The following PRDM16 variants were observed in gnomAD, a reference collection of about 807,000 sequenced individuals.
The protein encoded by PRDM16 is histone-lysine N-methyltransferase PRDM16.
PRDM16 carries 23 observed loss-of-function variants against 110.6 expected under a neutral mutation model. The observed-to-expected ratio is 0.21, with a 90% CI of 0.15 to 0.29. The LOEUF is 0.29. Ranked by LOEUF, PRDM16 falls within the 10% of genes least tolerant of loss-of-function variation. The pLI is 1.00. For missense variants in PRDM16, 1,615 were observed against 1,794.3 expected (o/e 0.90, Z 1.81); for synonymous variants, 799 against 781.8 (o/e 1.02, Z -0.37).
intron 1 of PRDM16, among the ~76,000 whole-genome samples, chr1:3,127,786 C>T (rs1392755370): frequency 6.6e-6 from 1 of 152,234 alleles, no homozygotes; most frequent in African/African-American, 2.4e-5. Context: ...AGGCCTGCCC[C>T]ATAAAGGCAG....
intron 3 of PRDM16, among the ~76,000 whole-genome samples, chr1:3,337,044 C>A (rs1045383012): frequency 6.7e-6 from 1 of 148,938 alleles, no homozygotes; most frequent in Admixed American, 6.7e-5. Context: ...TGTGCACATT[C>A]ATGCACATCT....
chr1:3,366,428 G>A (rs1218964300), intron 3 of PRDM16, among the ~76,000 whole-genome samples: 2 of 152,190 alleles, frequency 1.3e-5, no homozygotes, highest in South Asian at 2.1e-4. Flanking sequence ...TCAGTATGCC[G>A]GGACACTCTC....
intron 6 of PRDM16, among the ~76,000 whole-genome samples, chr1:3,404,291 G>A (rs989777530): frequency 2.0e-5 from 3 of 152,170 alleles, no homozygotes; most frequent in African/African-American, 4.8e-5. Flanking sequence ...AGTGACTCCC[G>A]ACCTGCGTCC....
chr1:3,314,856 C>T (rs543530397), intron 3 of PRDM16, among the ~76,000 whole-genome samples: 19 of 152,274 alleles, frequency 1.2e-4, no homozygotes, highest in East Asian at 5.8e-4. Flanking sequence ...TTTCAGCCTT[C>T]GCCCTATTCA....
At position 3,157,439 on chromosome 1, in the gene PRDM16, A is replaced by C. The variant is rs1484094798; in HGVS notation, c.38-28686A>C. On this transcript the variant is annotated intron_variant, in intron 1 of 16. Coordinates refer to ENST00000270722, the MANE Select transcript of PRDM16 (RefSeq NM_022114.4). The surrounding 1 kb of genome is among the most constrained non-coding windows in gnomAD (Gnocchi z 4.8). ...GATCCCATTAAAAAAAAAAAAAAAA[A>C]AAACACCTTTGTGGGGGCTGGGGGT... 4.0e-5 allele frequency among the ~76,000 whole-genome samples: 6 copies of C among 150,816 alleles called. No homozygotes were observed. Among genetic ancestry groups the C allele is most frequent in the Admixed American group, 6.6e-5 (1 of 15,244 alleles).
At chr1:3,268,661 G>C (rs1640355915) in intron 3 of PRDM16, among the ~76,000 whole-genome samples, 1 of 152,226 alleles carries the variant, frequency 6.6e-6, no homozygotes, top group Non-Finnish European at 1.5e-5. Flanking sequence ...TTCCCCAGCT[G>C]TCTGCCTTAG....
Position 3,353,701 on chromosome 1 carries a change from T to C in PRDM16, c.439-31451T>C, listed in dbSNP as rs745945027. On this transcript the variant is annotated intron_variant, in intron 3 of 16. Coordinates refer to ENST00000270722, the MANE Select transcript of PRDM16 (RefSeq NM_022114.4). This position sits in a 1 kb window ranked among gnomAD's most constrained non-coding sequence, Gnocchi z 5.4. ...AGAACAGGACAATCCTAGCTCAGGCTGGTGGAGGTTTGGGGATGCCGAAGC... is the reference window on the plus strand; with the variant it reads ...AGAACAGGACAATCCTAGCTCAGGCCGGTGGAGGTTTGGGGATGCCGAAGC... Among the ~76,000 whole-genome samples, 2 of 152,196 alleles carry C rather than the reference T, an allele frequency of 1.3e-5. No homozygotes were observed. The highest frequency in any genetic ancestry group is 2.9e-5 in the Non-Finnish European group (2 of 68,030).
intron 3 of PRDM16, among the ~76,000 whole-genome samples, chr1:3,320,279 C>T (rs141284739): frequency 1.2e-4 from 19 of 152,300 alleles, no homozygotes; most frequent in African/African-American, 3.9e-4. Context: ...TTCACTGTGA[C>T]GCATTGGGAT....
intron 3 of PRDM16, among the ~76,000 whole-genome samples, chr1:3,312,984 C>T (rs144103989): frequency 6.6e-6 from 1 of 152,238 alleles, no homozygotes; most frequent in Non-Finnish European, 1.5e-5. Flanking sequence ...CTTGTGACTT[C>T]CAGGAGGCCT....
intron 7 of PRDM16, among the ~76,000 whole-genome samples, chr1:3,405,100 G>A (rs1357612593): frequency 6.6e-6 from 1 of 152,174 alleles, no homozygotes; most frequent in Non-Finnish European, 1.5e-5. Context: ...AAGGATCAGG[G>A]CCGAGACCAG....
intron 5 of PRDM16, among the ~76,000 whole-genome samples, chr1:3,398,709 A>C (rs1389113648): frequency 6.6e-6 from 1 of 152,216 alleles, no homozygotes; most frequent in African/African-American, 2.4e-5. Flanking sequence ...TCAGATAGGC[A>C]AGTGAGGCGC....
intron 3 of PRDM16, among the ~76,000 whole-genome samples, chr1:3,323,315 C>T (rs1641805159): frequency 6.6e-6 from 1 of 152,208 alleles, no homozygotes; most frequent in Non-Finnish European, 1.5e-5. Flanking sequence ...GGGCTTGGAA[C>T]AGCTTGGACA....
intron 1 of PRDM16, among the ~76,000 whole-genome samples, chr1:3,168,849 T>C (rs1557498370): frequency 6.6e-6 from 1 of 152,132 alleles, no homozygotes; most frequent in Non-Finnish European, 1.5e-5. Flanking sequence ...GCCACTGTCG[T>C]TCCACTTCTG....
At chr1:3,432,533 C>CGG (rs1419901767) in intron 16 of PRDM16, among the ~76,000 whole-genome samples, 1 of 152,218 alleles carries the variant, frequency 6.6e-6, no homozygotes, top group Non-Finnish European at 1.5e-5. Flanking sequence ...GCTGTCCAGC[C>CGG]GGGCAGTCTC....
intron 2 of PRDM16, among the ~76,000 whole-genome samples, chr1:3,228,907 G>A (rs1261300725): frequency 2.6e-5 from 4 of 152,166 alleles, no homozygotes; most frequent in South Asian, 2.1e-4. Context: ...GTTCACAGCC[G>A]GCAACCTCAC....
At chr1:3,108,495 A>G (rs1642715874) in intron 1 of PRDM16, among the ~76,000 whole-genome samples, 1 of 152,212 alleles carries the variant, frequency 6.6e-6, no homozygotes, top group Non-Finnish European at 1.5e-5. Context: ...TCTGTCTCTC[A>G]GTTTCTCATC....
chr1:3,228,985 TAA>T (rs989928241), intron 2 of PRDM16, among the ~76,000 whole-genome samples: 7 of 152,210 alleles, frequency 4.6e-5, no homozygotes, highest in African/African-American at 1.7e-4. Context: ...GCCCTAAGAA[TAA>T]AGTTTAAGTA....
intron 8 of PRDM16, among the ~76,000 whole-genome samples, chr1:3,408,656 A>G (rs1256029649): frequency 8.1e-6 from 1 of 123,142 alleles, no homozygotes; most frequent in Non-Finnish European, 1.7e-5. Flanking sequence ...CTGTGTTGGC[A>G]TGTGTGAGAG....
intron 2 of PRDM16, among the ~76,000 whole-genome samples, chr1:3,198,831 G>T (rs1638547351): frequency 6.6e-6 from 1 of 152,150 alleles, no homozygotes; most frequent in Non-Finnish European, 1.5e-5. Flanking sequence ...ACATCCCATT[G>T]TGTCGTCTCT....
Sources: allele counts gnomAD v4.1 joint callset (sites outside exome capture counted in the v4.1 genomes callset), GRCh38; gene constraint gnomAD v4.1.1; non-coding constraint Gnocchi (gnomAD v3.1); transcripts MANE v1.5; gene names NCBI Gene and HGNC (gene_info 2026-07-23, HGNC 2026-07-21).